Variants in INPP4B observed in about 807,000 individuals in gnomAD.
The protein encoded by INPP4B is inositol polyphosphate 4-phosphatase type II.
INPP4B carries 55 observed loss-of-function variants against 122.5 expected under a neutral mutation model. The observed-to-expected ratio is 0.45, with a 90% CI of 0.36 to 0.56. INPP4B has a LOEUF of 0.56. INPP4B is among the 20% of genes least tolerant of loss of function. INPP4B has a pLI of 0.00. For missense variants in INPP4B, 1,000 were observed against 1,097.7 expected (o/e 0.91, Z 1.26); for synonymous variants, 403 against 388.7 (o/e 1.04, Z -0.43).
At chr4:142,294,127 C>A (rs1579629336) in intron 9 of INPP4B, among the ~76,000 whole-genome samples, 1 of 152,080 alleles carries the variant, frequency 6.6e-6, no homozygotes, top group South Asian at 2.1e-4. Flanking sequence ...ACATTAAAAG[C>A]CCAGACTTCA....
chr4:142,612,792 A>G (rs1742852237), intron 2 of INPP4B, among the ~76,000 whole-genome samples: 2 of 152,138 alleles, frequency 1.3e-5, no homozygotes, highest in Non-Finnish European at 2.9e-5. Flanking sequence ...AAATATCACC[A>G]TGGGTGTTAG....
intron 17 of INPP4B, among the ~76,000 whole-genome samples, chr4:142,156,797 A>AG (rs1223350927): frequency 1.3e-5 from 2 of 152,084 alleles, no homozygotes; most frequent in East Asian, 3.9e-4. Context: ...ACTTCAAAAG[A>AG]ATGGTTCTTA....
intron 7 of INPP4B, among the ~76,000 whole-genome samples, chr4:142,322,338 C>T (rs1333277627): frequency 6.6e-6 from 1 of 151,896 alleles, no homozygotes; most frequent in African/African-American, 2.4e-5. Flanking sequence ...CTGGGAAGTA[C>T]ATTGAACATT....
At chr4:142,116,347 A>T (rs1181212290) in intron 21 of INPP4B, among the ~76,000 whole-genome samples, 4 of 152,152 alleles carry the variant, frequency 2.6e-5, no homozygotes, top group South Asian at 2.1e-4. Context: ...ACCCCAAATC[A>T]ACAGAATATA....
At chr4:142,371,817 TA>T (rs759939588) in intron 7 of INPP4B, among the ~76,000 whole-genome samples, 7 of 151,862 alleles carry the variant, frequency 4.6e-5, no homozygotes, top group Non-Finnish European at 1.0e-4. Context: ...AGGGAGCTCT[TA>T]TACACTATGG....
intron 2 of INPP4B, among the ~76,000 whole-genome samples, chr4:142,516,695 G>A (rs60004938): frequency 0.16 from 24,754 of 152,022 alleles, 2,185 homozygotes; most frequent in East Asian, 0.3. Flanking sequence ...TCTGTGCCCT[G>A]GAGCCTGTGT....
intron 12 of INPP4B, among the ~76,000 whole-genome samples, chr4:142,228,926 T>C (rs1852836557): frequency 6.6e-6 from 1 of 151,582 alleles, no homozygotes; most frequent in Non-Finnish European, 1.5e-5. Context: ...AATCAAAAAC[T>C]ATAATTTTAA....
chr4:142,573,069 G>A (rs763610477), intron 2 of INPP4B, among the ~76,000 whole-genome samples: 20 of 151,954 alleles, frequency 1.3e-4, no homozygotes, highest in Non-Finnish European at 1.5e-4. Flanking sequence ...GAGACCTCAG[G>A]AAACTTATAA....
intron 3 of INPP4B, among the ~76,000 whole-genome samples, chr4:142,436,780 A>G (rs1184548753): frequency 6.6e-6 from 1 of 151,054 alleles, no homozygotes; most frequent in Admixed American, 6.6e-5. Flanking sequence ...TTGAAACTAG[A>G]CAAACTCATG....
intron 25 of INPP4B, among the ~76,000 whole-genome samples, chr4:142,073,386 A>G (rs1768679819): frequency 6.6e-6 from 1 of 152,086 alleles, no homozygotes; most frequent in Non-Finnish European, 1.5e-5. Context: ...TTGGGTACTT[A>G]TTCATAAATA....
chr4:142,630,422 C>A (rs982136462), intron 2 of INPP4B, among the ~76,000 whole-genome samples: 2 of 151,872 alleles, frequency 1.3e-5, no homozygotes, highest in Non-Finnish European at 2.9e-5. Context: ...ATTCTAAACA[C>A]ATTAGTGATG....
intron 21 of INPP4B, among the ~76,000 whole-genome samples, chr4:142,112,942 C>T (rs10519616): frequency 1.9e-3 from 291 of 152,088 alleles, no homozygotes; most frequent in African/African-American, 6.7e-3. Context: ...TTTTTGTACA[C>T]CCAGGGTCAT....
At chr4:142,592,465 A>G (rs72726472) in intron 2 of INPP4B, among the ~76,000 whole-genome samples, 3 of 152,310 alleles carry the variant, frequency 2.0e-5, no homozygotes, top group Non-Finnish European at 4.4e-5. Flanking sequence ...ATAATAAGAA[A>G]GTTATTTAAA....
At chr4:142,561,566 G>A (rs907959054) in intron 2 of INPP4B, among the ~76,000 whole-genome samples, 2 of 151,996 alleles carry the variant, frequency 1.3e-5, no homozygotes, top group African/African-American at 2.4e-5. Context: ...CTACAAATGT[G>A]AGCCACCACA....
intron 7 of INPP4B, among the ~76,000 whole-genome samples, chr4:142,402,289 T>C (rs760262909): frequency 3.3e-5 from 5 of 152,170 alleles, no homozygotes; most frequent in South Asian, 4.1e-4. Flanking sequence ...ACCTCCCCAA[T>C]AGCATTTTCT....
At chr4:142,781,078 TA>T (rs1309967312) in intron 1 of INPP4B, among the ~76,000 whole-genome samples, 1 of 152,178 alleles carries the variant, frequency 6.6e-6, no homozygotes, top group Non-Finnish European at 1.5e-5. Context: ...GAGATATTCT[TA>T]AAACTTGGCA....
At chr4:142,181,463 C>T (rs955358077) in intron 15 of INPP4B, among the ~76,000 whole-genome samples, 1 of 152,114 alleles carries the variant, frequency 6.6e-6, no homozygotes, top group African/African-American at 2.4e-5. Context: ...AACTTATTAA[C>T]CTTTCCAACA....
At chr4:142,161,994 T>A (rs1820397129) in intron 16 of INPP4B, among the ~76,000 whole-genome samples, 1 of 151,888 alleles carries the variant, frequency 6.6e-6, no homozygotes, top group African/African-American at 2.4e-5. Flanking sequence ...TCTGTCCTTC[T>A]TCCTCTTCTT....
intron 1 of INPP4B, among the ~76,000 whole-genome samples, chr4:142,727,007 A>T (rs766183083): frequency 5.3e-5 from 8 of 152,172 alleles, no homozygotes; most frequent in Non-Finnish European, 8.8e-5. Context: ...AACAACAAAA[A>T]AGGCTTACTA....
Sources: allele counts gnomAD v4.1 joint callset (sites outside exome capture counted in the v4.1 genomes callset), GRCh38; gene constraint gnomAD v4.1.1; transcripts MANE v1.5; gene names NCBI Gene and HGNC (gene_info 2026-07-23, HGNC 2026-07-21).